Variants in CLCC1 observed in about 807,000 individuals in gnomAD.
CLCC1 encodes the protein chloride channel CLIC like 1.
CLCC1 carries 39 observed loss-of-function variants against 63.3 expected under a neutral mutation model. The observed-to-expected ratio is 0.62, with a 90% CI of 0.48 to 0.81. The LOEUF (loss-of-function observed/expected upper bound fraction) is 0.81. Ranked by LOEUF, CLCC1 falls within the 30% of genes least tolerant of loss-of-function variation. The pLI is 0.00. For missense variants in CLCC1, 549 were observed against 669.4 expected, an observed-to-expected ratio of 0.82 and a Z score of 1.98; for synonymous variants, 217 against 239.8, an observed-to-expected ratio of 0.90 and a Z score of 0.88.
At chr1:108,955,368 G>A (rs745628498) in intron 2 of CLCC1, among the ~76,000 whole-genome samples, 1 of 151,542 alleles carries the variant, frequency 6.6e-6, no homozygotes, top group South Asian at 2.1e-4. Context: ...ATCTAAGACG[G>A]TCACAAATGC....
Position 108,941,469 on chromosome 1 carries a change from G to C in CLCC1, c.732C>G (p.Val244=). The part of the protein sequence containing the change: ...KLAFAQHQAE[V]AKMEPLNNVC... ...CATTGTTTAATGGCTCCATCTTGGC[G>C]ACTTCAGCCTGATGCTGTGCAAAAG... Residue 244 remains valine (V), a synonymous_variant, in exon 8 of 13, where the codon GTC becomes GTG. Transcript: ENST00000369969. 1 of 1,613,956 alleles carries C rather than the reference G, an allele frequency of 6.2e-7. No homozygotes were observed. Among genetic ancestry groups the C allele is most frequent in the South Asian group, 1.1e-5 (1 of 91,054 alleles).
chr1:108,956,975 G>A (rs1655999617), intron 2 of CLCC1, among the ~76,000 whole-genome samples: 1 of 150,118 alleles, frequency 6.7e-6, no homozygotes, highest in East Asian at 1.9e-4. Context: ...GCCACTTGAG[G>A]CTTTTAAATA....
chr1:108,952,029 C>G (rs1036506507), intron 2 of CLCC1, among the ~76,000 whole-genome samples: 2 of 152,076 alleles, frequency 1.3e-5, no homozygotes, highest in African/African-American at 4.8e-5. Context: ...CCTCCCACCT[C>G]GGCCTCCCAA....
intron 2 of CLCC1, among the ~76,000 whole-genome samples, chr1:108,954,010 CAA>C (rs11463360): frequency 3.1e-5 from 3 of 98,026 alleles, no homozygotes; most frequent in Admixed American, 1.1e-4. Context: ...AACTCCGTCT[CAA>C]AAAAAAAAAA....
intron 2 of CLCC1, among the ~76,000 whole-genome samples, chr1:108,951,061 A>C (rs1483281731): frequency 1.3e-5 from 2 of 152,180 alleles, no homozygotes; most frequent in African/African-American, 4.8e-5. Context: ...TTGTACATGA[A>C]TGTTCAGAGC....
chr1:108,955,723 C>CA (rs140750422), intron 2 of CLCC1, among the ~76,000 whole-genome samples: 2,501 of 151,404 alleles, frequency 0.017, 36 homozygotes, highest in Non-Finnish European at 0.026. Flanking sequence ...CCTAATACAA[C>CA]AAAAAAGAGA....
chr1:108,957,279 GGCCACGTAATAGTTAAGTTCTA>G (rs1419016750), intron 2 of CLCC1, among the ~76,000 whole-genome samples: 1 of 151,412 alleles, frequency 6.6e-6, no homozygotes, highest in Non-Finnish European at 1.5e-5. Flanking sequence ...TGTGAAGTAT[GGCCACGTAATAGTTAAGTTCTA>G]GCCAACCCAA....
chr1:108,950,058 A>T (rs959421540), intron 3 of CLCC1, 137 bp from the exon 4 acceptor site: 10 of 673,552 alleles, frequency 1.5e-5, no homozygotes, highest in Non-Finnish European at 2.4e-5. Context: ...CTGAACCACA[A>T]AAAAAAAGTT....
chr1:108,941,306 CATGGA>C, intron 8 of CLCC1, 94 bp downstream of exon 8: 1 of 1,077,350 alleles, frequency 9.3e-7, no homozygotes, highest in Non-Finnish European at 1.4e-6. Context: ...AAGATTCAGT[CATGGA>C]AAGCCTCCTG....
Position 108,951,531 on chromosome 1 carries a change from T to G in CLCC1, c.-11-1083A>C, listed in dbSNP as rs1246741169. ...TGAACCTTGAAAATGCTACATTATG[T>G]GAAAGAAACCAGATATGAAAGACCA... is the stretch of plus-strand genomic sequence containing the variant. On this transcript the variant is annotated intron_variant, in intron 2 of 12. Transcript: ENST00000369969. Among the ~76,000 whole-genome samples, 5 of 152,310 alleles carry G rather than the reference T, an allele frequency of 3.3e-5. No homozygotes were observed. The East Asian group carries it at 9.6e-4, about 29-fold the overall frequency.
chr1:108,953,198 G>C (rs116729207), intron 2 of CLCC1, among the ~76,000 whole-genome samples: 2 of 152,170 alleles, frequency 1.3e-5, no homozygotes, highest in African/African-American at 4.8e-5. Flanking sequence ...AACAGCTTAC[G>C]GTCTAGTTGT....
rs762592963 is a variant in CLCC1, at chr1:108,931,415, A to G, written c.*1132T>C. The G allele has an allele frequency of 9.7e-6, 15 of 1,551,066 alleles. No homozygotes were observed. Among genetic ancestry groups the G allele is most frequent in the African/African-American group, 1.4e-5 (1 of 73,056 alleles). On this transcript the variant is annotated 3_prime_UTR_variant, in exon 13 of 13. Coordinates refer to ENST00000369969, the MANE Select transcript of CLCC1 (RefSeq NM_001377458.1). ...GGGACCTGGAGTAACACTGGATCACAGACTGCAAAGGCCCACGCTTGGAAC... is the reference window on the plus strand; with the variant it reads ...GGGACCTGGAGTAACACTGGATCACGGACTGCAAAGGCCCACGCTTGGAAC...
chr1:108,939,181 G>C (rs1653436785), intron 10 of CLCC1, among the ~76,000 whole-genome samples: 2 of 124,834 alleles, frequency 1.6e-5, no homozygotes, highest in South Asian at 4.7e-4. Flanking sequence ...TACTGACAGT[G>C]CATATATATA....
intron 2 of CLCC1, among the ~76,000 whole-genome samples, chr1:108,960,748 T>C (rs988519655): frequency 6.6e-5 from 10 of 151,982 alleles, no homozygotes; most frequent in Admixed American, 2.6e-4. Context: ...TCTAACACTG[T>C]GAGGAGGTTA....
intron 4 of CLCC1, 42 bp from the exon 5 acceptor site, chr1:108,947,760 T>C: frequency 7.5e-7 from 1 of 1,341,716 alleles, no homozygotes; most frequent in Non-Finnish European, 1.1e-6. Context: ...AGAGTCAAAG[T>C]ATAATATAAG....
rs745956248 is a variant in CLCC1, at chr1:108,934,820, T to C, written c.1506A>G (p.Thr502=). Residue 502 remains threonine, a synonymous_variant, in exon 12 of 13, where the codon ACA becomes ACG. Coordinates refer to ENST00000369969, the MANE Select transcript of CLCC1 (RefSeq NM_001377458.1). The stretch of plus-strand genomic sequence containing the variant: ...CGGGTGAACCTTCTGTATTCCCTGA[T>C]GTGTCTTGGCCAGAGACAGGCTTGG... ...QSAKPVSGQD[T]SGNTEGSPAA... The C allele has an allele frequency of 1.2e-6, 2 of 1,614,226 alleles. No homozygotes were observed. The highest frequency in any genetic ancestry group is 1.1e-5 in the South Asian group (1 of 91,082).
intron 8 of CLCC1, among the ~76,000 whole-genome samples, chr1:108,940,377 G>A (rs188534448): frequency 9.9e-4 from 150 of 152,202 alleles, no homozygotes; most frequent in Middle Eastern, 3.4e-3. Context: ...ATAAAAAATT[G>A]TATTTTATAA....
chr1:108,951,097 T>TG (rs1655122311), intron 2 of CLCC1, among the ~76,000 whole-genome samples: 1 of 151,986 alleles, frequency 6.6e-6, no homozygotes, highest in Admixed American at 6.6e-5. Context: ...AGCCAAAAGG[T>TG]GGGAAAAACC....
chr1:108,956,660 CA>C (rs34324137), intron 2 of CLCC1, among the ~76,000 whole-genome samples: 65 of 133,562 alleles, frequency 4.9e-4, no homozygotes, highest in Non-Finnish European at 5.4e-4. Context: ...GACTCCGTCT[CA>C]AAAAAAAAAA....
Sources: allele counts gnomAD v4.1 joint callset (sites outside exome capture counted in the v4.1 genomes callset), GRCh38; gene constraint gnomAD v4.1.1; transcripts MANE v1.5; gene names NCBI Gene and HGNC (gene_info 2026-07-23, HGNC 2026-07-21).